The following LPCAT1 variants were observed in gnomAD, a reference collection of about 807,000 sequenced individuals.
LPCAT1 encodes the protein 1-acylglycerol-3-phosphate O-acyltransferase.
Under a neutral mutation model 60.9 loss-of-function variants are expected in LPCAT1, and 23 were observed. The ratio of observed to expected loss-of-function variants is 0.38; its 90% CI spans 0.27 to 0.53. LPCAT1 has a LOEUF of 0.53. Ranked by LOEUF, LPCAT1 falls within the 20% of genes least tolerant of loss-of-function variation. The pLI, the probability that LPCAT1 is intolerant of heterozygous loss-of-function variation, is 0.82. For synonymous variants in LPCAT1, 340 were observed against 301.1 expected, an observed-to-expected ratio of 1.13 and a Z score of -1.34; for missense variants, 622 against 723.6, an observed-to-expected ratio of 0.86 and a Z score of 1.61.
intron 11 of LPCAT1, among the ~76,000 whole-genome samples, chr5:1,473,462 CATCA>C (rs1165878786): frequency 2.0e-5 from 3 of 152,372 alleles, no homozygotes; most frequent in Admixed American, 1.3e-4. Flanking sequence ...GTGGATGCCT[CATCA>C]ATTACGACGA....
In LPCAT1 at chr5:1,495,660, T is replaced by C. The variant is rs1579794758; in HGVS notation, c.279-746A>G. Among the ~76,000 whole-genome samples the C allele has an allele frequency of 1.3e-5, 2 of 152,156 alleles. No homozygotes were observed. Among genetic ancestry groups the C allele is most frequent in the East Asian group, 3.9e-4 (2 of 5,192 alleles). Reference sequence around the variant, plus strand: ...ACACGCAGCAGACAGCCACGGTGTGTGAGAAGCCACAGGTCAGGCACACAG... The same window carrying C: ...ACACGCAGCAGACAGCCACGGTGTGCGAGAAGCCACAGGTCAGGCACACAG... On this transcript the variant is annotated intron_variant, in intron 2 of 13. Transcript: ENST00000283415. The surrounding 1 kb of genome is among the most constrained non-coding windows in gnomAD (Gnocchi z 4.7).
Position 1,489,872 on chromosome 5 carries a change from G to A in LPCAT1, c.494-14C>T, listed in dbSNP as rs1735510057. 5 of 1,573,066 alleles carry A rather than the reference G, an allele frequency of 3.2e-6. No individual in the cohort carries two copies. The East Asian group carries it at 1.1e-4, about 35-fold the overall frequency. ...ACTGGATCAGAGCTGGAAGAGAGGA[G>A]GGGAGACGGATCACGTGGAATGCAC... On this transcript the variant is annotated splice_polypyrimidine_tract_variant and intron_variant, in intron 3 of 13. Transcript: ENST00000283415.
At chr5:1,471,972 G>C (rs1246621304) in intron 11 of LPCAT1, among the ~76,000 whole-genome samples, 1 of 20,298 alleles carries the variant, frequency 4.9e-5, no homozygotes, top group African/African-American at 3.5e-4. Context: ...GACAGGGGGA[G>C]GACTCTGGCC....
intron 1 of LPCAT1, among the ~76,000 whole-genome samples, chr5:1,514,922 T>C (rs1736460963): frequency 6.6e-6 from 1 of 152,130 alleles, no homozygotes; most frequent in Non-Finnish European, 1.5e-5. Flanking sequence ...TCCCCGGACC[T>C]CCCGCCTGGT....
intron 1 of LPCAT1, among the ~76,000 whole-genome samples, chr5:1,517,449 G>A (rs748785997): frequency 2.6e-5 from 4 of 152,274 alleles, no homozygotes; most frequent in Admixed American, 6.5e-5. Context: ...AGACAAGAGC[G>A]GTGAGACGGA....
At chr5:1,506,852 GCAGC>G (rs1464512417) in intron 1 of LPCAT1, among the ~76,000 whole-genome samples, 1 of 152,202 alleles carries the variant, frequency 6.6e-6, no homozygotes, top group Non-Finnish European at 1.5e-5. Context: ...TTACAGACCT[GCAGC>G]CACAGGGACA....
Position 1,463,576 on chromosome 5 carries a change from A to G in LPCAT1, c.*75T>C. 1 of 1,518,178 alleles carries G rather than the reference A, an allele frequency of 6.6e-7. No individual in the cohort carries two copies. The allele number at this position is 1,518,178 out of a possible 1,614,324, so 94.0% of individuals were successfully genotyped here. A position where few individuals can be genotyped will look rare whatever the true frequency, so the allele number is the denominator to read the frequency against. On this transcript the variant is annotated 3_prime_UTR_variant, in exon 14 of 14. Transcript: ENST00000283415. ...ACAGCAGGAGTGAGGAGCGGAGCCC[A>G]GAGGTCACTCGCAAAGAGGCTCATG...
chr5:1,486,494 G>A (rs1735376137), intron 5 of LPCAT1, among the ~76,000 whole-genome samples: 1 of 152,120 alleles, frequency 6.6e-6, no homozygotes, highest in Non-Finnish European at 1.5e-5. Flanking sequence ...CCCCAGCAAC[G>A]TGACCCCAAC....
At chr5:1,492,066 G>T (rs938086422) in intron 3 of LPCAT1, among the ~76,000 whole-genome samples, 5 of 151,072 alleles carry the variant, frequency 3.3e-5, no homozygotes, top group Non-Finnish European at 7.4e-5. Context: ...TCTGAGCTGG[G>T]ACCATGGGAG....
In LPCAT1 at chr5:1,483,464, G is replaced by T. The variant is rs749476564; in HGVS notation, c.690C>A (p.Pro230=). The change falls in exon 6 of 14, where the codon CCC becomes CCA. Residue 230 remains proline (P), a synonymous_variant. Transcript: ENST00000283415. This position sits in a 1 kb window ranked among gnomAD's most constrained non-coding sequence, Gnocchi z 9.2. ...FKPGAFIPGA[P]VQPVVLRYPN... The stretch of plus-strand genomic sequence containing the variant: ...GATATCGTAAAACCACAGGCTGGAC[G>T]GGCGCTCCAGGGATGAATGCACCTG... 6.2e-7 allele frequency: 1 copy of T among 1,613,702 alleles called. No homozygotes were observed. The highest frequency in any genetic ancestry group is 1.7e-5 in the Admixed American group (1 of 60,012).
rs370467371 is a variant in LPCAT1, at chr5:1,477,512, G to A, written c.817-26C>T. 7.7e-6 allele frequency: 12 copies of A among 1,568,090 alleles called. No individual in the cohort carries two copies. Among genetic ancestry groups the A allele is most frequent in the Non-Finnish European group, 1.1e-5 (12 of 1,141,310 alleles). The stretch of plus-strand genomic sequence containing the variant: ...CTGAGCACACAGAGAAGCTGCGTTA[G>A]TATCACAAGACGCTGACCTCAGCAA... On this transcript the variant is annotated intron_variant, in intron 8 of 13. Transcript: ENST00000283415. The surrounding 1 kb of genome is among the most constrained non-coding windows in gnomAD (Gnocchi z 6.0).
rs750403269 is a variant in LPCAT1 at position 1,481,555 on chromosome 5, C to T, written c.727-579G>A. Among the ~76,000 whole-genome samples the T allele has an allele frequency of 6.6e-6, 1 of 152,288 alleles. No individual in the cohort carries two copies. Among genetic ancestry groups the T allele is most frequent in the Admixed American group, 6.5e-5 (1 of 15,290 alleles). The stretch of plus-strand genomic sequence containing the variant: ...GACGGCAGAGGCCCAGACACCGTCA[C>T]CCTGGGGTGGACCTTCTGCTCCCCT... On this transcript the variant is annotated intron_variant, in intron 6 of 13. Coordinates refer to ENST00000283415, the MANE Select transcript of LPCAT1 (RefSeq NM_024830.5). This position sits in a 1 kb window ranked among gnomAD's most constrained non-coding sequence, Gnocchi z 7.8.
chr5:1,472,589 A>G (rs1734727879), intron 11 of LPCAT1, among the ~76,000 whole-genome samples: 1 of 152,214 alleles, frequency 6.6e-6, no homozygotes, highest in African/African-American at 2.4e-5. Context: ...AATTAACTGC[A>G]CAGTGTCATA....
At chr5:1,507,510 C>T (rs1393892575) in intron 1 of LPCAT1, among the ~76,000 whole-genome samples, 1 of 152,252 alleles carries the variant, frequency 6.6e-6, no homozygotes, top group African/African-American at 2.4e-5. Context: ...ATACCACTTC[C>T]CAGCAGAAGG....
At chr5:1,519,082 T>C (rs4608970) in intron 1 of LPCAT1, among the ~76,000 whole-genome samples, 8,423 of 152,326 alleles carry the variant, frequency 0.055, 259 homozygotes, top group Middle Eastern at 0.14. Context: ...AGATGCGTGC[T>C]GACAATATAA....
At position 1,463,635 on chromosome 5, in the gene LPCAT1, T is replaced by A; in HGVS notation, c.*16A>T. On this transcript the variant is annotated 3_prime_UTR_variant, in exon 14 of 14. Coordinates refer to ENST00000283415, the MANE Select transcript of LPCAT1 (RefSeq NM_024830.5). ...GTCCACGCGGGAGGGGCCGCGTCTC[T>A]CCGCAACCCTGGGTCCTAATCCAGC... The A allele has an allele frequency of 1.2e-6, 2 of 1,613,346 alleles. No homozygotes were observed. The highest frequency in any genetic ancestry group is 1.7e-6 in the Non-Finnish European group (2 of 1,179,882).
rs1266051075 is a variant in LPCAT1, at chr5:1,483,433, T to A, written c.721A>T (p.Lys241Ter). 11 of 1,613,658 alleles carry A rather than the reference T, an allele frequency of 6.8e-6. No individual in the cohort carries two copies. Among genetic ancestry groups the A allele is most frequent in the African/African-American group, 1.3e-5 (1 of 74,928 alleles). Residue 241 changes from lysine to a stop codon, truncating the protein, a stop_gained, in exon 6 of 14, where the codon AAA becomes TAA. Coordinates refer to ENST00000283415, the MANE Select transcript of LPCAT1 (RefSeq NM_024830.5). LOFTEE classifies it high-confidence loss of function. The surrounding 1 kb of genome is among the most constrained non-coding windows in gnomAD (Gnocchi z 9.2). ...VQPVVLRYPN[K>*]LDTITWTWQG... The stretch of plus-strand genomic sequence containing the variant: ...CCCAAAAAAACACAACTCACCAGTT[T>A]ATTTGGATATCGTAAAACCACAGGC...
Position 1,502,690 on chromosome 5 carries a change from G to A in LPCAT1, c.136-1087C>T, listed in dbSNP as rs1050877170. 2.0e-5 allele frequency among the ~76,000 whole-genome samples: 3 copies of A among 152,132 alleles called. No homozygotes were observed. The highest frequency in any genetic ancestry group is 4.8e-5 in the African/African-American group (2 of 41,418). ...GGGAAACACCAGTCCTGAGGTGCAG[G>A]TTTAGTGCAGAGACAGAAAAGACCC... On this transcript the variant is annotated intron_variant, in intron 1 of 13. Transcript: ENST00000283415. The surrounding 1 kb of genome is among the most constrained non-coding windows in gnomAD (Gnocchi z 5.5).
chr5:1,471,836 G>C (rs1390041917), intron 11 of LPCAT1, among the ~76,000 whole-genome samples: 2 of 151,930 alleles, frequency 1.3e-5, no homozygotes, highest in African/African-American at 4.8e-5. Flanking sequence ...TGGCCAGAGA[G>C]CAGGAGGTGA....
Sources: gnomAD v4.1 joint callset for allele counts (sites outside exome capture counted in the v4.1 genomes callset) on GRCh38, gnomAD v4.1.1 for gene constraint, Gnocchi (gnomAD v3.1) non-coding constraint, MANE v1.5 for transcripts, NCBI Gene and HGNC (gene_info 2026-07-23, HGNC 2026-07-21) for gene names.